Variants in SAV1 observed in about 807,000 individuals in gnomAD.
The protein encoded by SAV1 is salvador family WW domain containing protein 1, also known as protein salvador homolog 1.
SAV1 carries 23 observed loss-of-function variants against 47.3 expected under a neutral mutation model. The observed-to-expected ratio is 0.49, with a 90% confidence interval of 0.35 to 0.69. SAV1 has a LOEUF of 0.69. SAV1 is among the 30% of genes least tolerant of loss of function. SAV1 has a pLI of 0.01. For synonymous variants in SAV1, 155 were observed against 159.2 expected, an observed-to-expected ratio of 0.97 and a Z score of 0.20; for missense variants, 448 against 457.4, an observed-to-expected ratio of 0.98 and a Z score of 0.19.
In SAV1 at chr14:50,634,624, T is replaced by A. The variant is rs1323760161; in HGVS notation, c.*559A>T. ...CCTCGGCCTCCCAAAATGCTGGGAT[T>A]ACAGGAGTGAGCCACCACGCCCAGC... On this transcript the variant is annotated 3_prime_UTR_variant, in exon 5 of 5. Transcript: ENST00000324679. 1 of 158,728 alleles carries A rather than the reference T, an allele frequency of 6.3e-6. No individual in the cohort carries two copies. Among genetic ancestry groups the A allele is most frequent in the African/African-American group, 2.4e-5 (1 of 41,466 alleles). 9.8% of individuals were successfully genotyped at this position (158,728 alleles called of 1,614,324 possible).
chr14:50,644,148 C>G (rs1473823459), intron 3 of SAV1, among the ~76,000 whole-genome samples: 1 of 152,232 alleles, frequency 6.6e-6, no homozygotes, highest in South Asian at 2.1e-4. Flanking sequence ...AACAGCCACA[C>G]GTGACAACTG....
At chr14:50,635,894 AG>A (rs780916375) in intron 4 of SAV1, among the ~76,000 whole-genome samples, 20 of 152,214 alleles carry the variant, frequency 1.3e-4, no homozygotes, top group Admixed American at 2.0e-4. Flanking sequence ...TTTTTAGTAG[AG>A]ACAGAGTTTC....
chr14:50,649,339 C>A (rs749740283), intron 2 of SAV1, among the ~76,000 whole-genome samples: 1 of 152,166 alleles, frequency 6.6e-6, no homozygotes, highest in Non-Finnish European at 1.5e-5. Flanking sequence ...ATTCTTAGGA[C>A]AGGAATCTTT....
intron 3 of SAV1, among the ~76,000 whole-genome samples, chr14:50,643,206 A>G (rs1344643111): frequency 1.3e-5 from 2 of 152,328 alleles, no homozygotes; most frequent in Middle Eastern, 3.4e-3. Context: ...TGCTTTTAAA[A>G]AACTATTAAA....
chr14:50,654,675 C>T (rs1335842605), intron 2 of SAV1, among the ~76,000 whole-genome samples: 1 of 152,154 alleles, frequency 6.6e-6, no homozygotes, highest in East Asian at 1.9e-4. Context: ...ATCTGCGAAA[C>T]ACAATAGAGC....
At chr14:50,646,425 C>T (rs1250579972) in intron 2 of SAV1, among the ~76,000 whole-genome samples, 1 of 152,184 alleles carries the variant, frequency 6.6e-6, no homozygotes, top group Non-Finnish European at 1.5e-5. Context: ...GTGGCTCACG[C>T]CTGTAATCCG....
intron 2 of SAV1, among the ~76,000 whole-genome samples, chr14:50,654,858 T>C (rs2039799346): frequency 6.6e-6 from 1 of 152,244 alleles, no homozygotes; most frequent in Non-Finnish European, 1.5e-5. Flanking sequence ...TCAGTCATTA[T>C]ATGTCACTGG....
Position 50,634,792 on chromosome 14 carries a change from C to A in SAV1, c.*391G>T. On this transcript the variant is annotated 3_prime_UTR_variant, in exon 5 of 5. Coordinates refer to ENST00000324679, the MANE Select transcript of SAV1 (RefSeq NM_021818.4). ...CCTTTCCAGACAATATTTCACACTA[C>A]AGCGGTAAACTTTTTTTTTAAAAAA... The A allele has an allele frequency of 5.5e-6, 1 of 182,260 alleles. No individual in the cohort carries two copies. Among genetic ancestry groups the A allele is most frequent in the Non-Finnish European group, 1.1e-5 (1 of 87,998 alleles). 11.3% of individuals were successfully genotyped at this position (182,260 alleles called of 1,614,324 possible).
Position 50,653,539 on chromosome 14 carries a change from G to A in SAV1, c.536-8525C>T, listed in dbSNP as rs1413939576. 2.6e-5 allele frequency among the ~76,000 whole-genome samples: 4 copies of A among 152,236 alleles called. 1 individual carries two copies. The South Asian group carries it at 6.2e-4, about 24-fold the overall frequency. On this transcript the variant is annotated intron_variant, in intron 2 of 4. Coordinates refer to ENST00000324679, the MANE Select transcript of SAV1 (RefSeq NM_021818.4). ...AATAAAGTGAATATTGCAATAAAGCGAGTTACGTGAATTTGTTTGTTTCCC... is the reference window on the plus strand; with the variant it reads ...AATAAAGTGAATATTGCAATAAAGCAAGTTACGTGAATTTGTTTGTTTCCC...
intron 2 of SAV1, among the ~76,000 whole-genome samples, chr14:50,647,183 A>G (rs968847115): frequency 2.0e-5 from 3 of 151,762 alleles, no homozygotes; most frequent in Admixed American, 2.0e-4. Context: ...TAGTTTAGAC[A>G]AAGAGTACTT....
chr14:50,666,287 A>G (rs2039900873), intron 1 of SAV1, among the ~76,000 whole-genome samples: 1 of 152,220 alleles, frequency 6.6e-6, no homozygotes, highest in Non-Finnish European at 1.5e-5. Context: ...CAAGCCTGAA[A>G]CTATGTAATT....
At chr14:50,667,435 C>G (rs1160325824) in intron 1 of SAV1, 1 of 456,450 alleles carries the variant, frequency 2.2e-6, no homozygotes, top group Admixed American at 2.3e-5. Context: ...CCAGAGTTCG[C>G]ACAACTTGCA....
At chr14:50,664,297 A>G (rs1444451637) in intron 2 of SAV1, 1 of 152,242 alleles carries the variant, frequency 6.6e-6, no homozygotes, top group Non-Finnish European at 1.5e-5. Context: ...TCAAAATACT[A>G]ATGCTCCAAA....
At chr14:50,637,663 A>AATTTTTTTTT (rs771403561) in intron 4 of SAV1, 1 of 128,768 alleles carries the variant, frequency 7.8e-6, no homozygotes, top group African/African-American at 3.4e-5. Context: ...CAATTTTGTC[A>AATTTTTTTTT]GTTTTTTTTT....
In SAV1 at chr14:50,646,745, A is replaced by G. The variant is rs1318822527; in HGVS notation, c.536-1731T>C. 2.0e-5 allele frequency among the ~76,000 whole-genome samples: 3 copies of G among 152,150 alleles called. No individual in the cohort carries two copies. The East Asian group carries it at 5.8e-4, about 29-fold the overall frequency. On this transcript the variant is annotated intron_variant, in intron 2 of 4. Coordinates refer to ENST00000324679, the MANE Select transcript of SAV1 (RefSeq NM_021818.4). ...TTGTAGATACAGATAGTTATTAAAC[A>G]GATTTTAAAATGTATACTGAAAGGC...
At chr14:50,658,497 T>C (rs1176611676) in intron 2 of SAV1, among the ~76,000 whole-genome samples, 2 of 152,214 alleles carry the variant, frequency 1.3e-5, no homozygotes, top group African/African-American at 4.8e-5. Context: ...TAGAACTTTC[T>C]AGGCTCTAAA....
intron 3 of SAV1, among the ~76,000 whole-genome samples, chr14:50,643,633 T>C (rs1272883823): frequency 6.6e-6 from 1 of 152,226 alleles, no homozygotes; most frequent in Non-Finnish European, 1.5e-5. Context: ...AATCTGGTTA[T>C]CTGGACTGCA....
intron 2 of SAV1, among the ~76,000 whole-genome samples, chr14:50,664,059 T>G (rs1350119615): frequency 1.3e-5 from 2 of 152,192 alleles, no homozygotes; most frequent in African/African-American, 2.4e-5. Flanking sequence ...ATGAATCATC[T>G]CTTTAAGTAT....
chr14:50,661,023 GA>G (rs1399396070), intron 2 of SAV1, among the ~76,000 whole-genome samples: 1 of 152,228 alleles, frequency 6.6e-6, no homozygotes, highest in Non-Finnish European at 1.5e-5. Context: ...GGTTTTCTGA[GA>G]AATTTCCAAA....
Sources: gnomAD v4.1 joint callset for allele counts (sites outside exome capture counted in the v4.1 genomes callset) on GRCh38, gnomAD v4.1.1 for gene constraint, MANE v1.5 for transcripts, NCBI Gene and HGNC (gene_info 2026-07-23, HGNC 2026-07-21) for gene names.